Variants in SPACA6 observed in about 807,000 individuals in gnomAD.
The protein encoded by SPACA6 is sperm acrosome membrane-associated protein 6.
For synonymous variants in SPACA6, 6 were observed against 1.5 expected (o/e 4.05, Z -2.21); for missense variants, 8 against 2.8 (o/e 2.88, Z -1.34).
At chr19:51,692,565 T>A (rs1451894400), upstream of SPACA6, 1 of 505,170 alleles carries the variant, frequency 2.0e-6, no homozygotes, top group East Asian at 5.6e-5. This position sits in a 1 kb window ranked among gnomAD's most constrained non-coding sequence, Gnocchi z 5.6. Context: ...CCTGGACTCC[T>A]GGGTTCCTTG....
At chr19:51,688,313 G>A (rs2083338225), upstream of SPACA6, 1 of 152,538 alleles carries the variant, frequency 6.6e-6, no homozygotes, top group Non-Finnish European at 1.5e-5. Flanking sequence ...CTGCCTGGAA[G>A]GGCCTTAGTG....
At chr19:51,697,942 T>A (rs1009218158) in intron 2 of SPACA6, among the ~76,000 whole-genome samples, 4 of 152,158 alleles carry the variant, frequency 2.6e-5, no homozygotes, top group African/African-American at 9.7e-5. Flanking sequence ...ATCCTAAGTT[T>A]GCCAGCCTTC....
chr19:51,700,296 T>G (rs1249431653), intron 2 of SPACA6, among the ~76,000 whole-genome samples: 1 of 151,464 alleles, frequency 6.6e-6, no homozygotes, highest in East Asian at 1.9e-4. Context: ...CATAAAAGAG[T>G]AAAAGATGGG....
upstream of SPACA6, among the ~76,000 whole-genome samples, chr19:51,690,355 C>T (rs146587955): frequency 3.1e-4 from 47 of 152,216 alleles, no homozygotes; most frequent in East Asian, 8.7e-3. Flanking sequence ...AGGAGCGCGG[C>T]CCCCAACCCT....
upstream of SPACA6, among the ~76,000 whole-genome samples, chr19:51,690,207 A>G (rs1278187133): frequency 1.3e-5 from 2 of 151,136 alleles, no homozygotes; most frequent in East Asian, 3.9e-4. Context: ...CCCATTCCAG[A>G]ATCCGAGCCC....
rs756935322 is a variant in SPACA6, at chr19:51,705,159, A to G, written c.*36A>G. 4 of 401,122 alleles carry G rather than the reference A, an allele frequency of 1.0e-5. No individual in the cohort carries two copies. Among genetic ancestry groups the G allele is most frequent in the Non-Finnish European group, 1.8e-5 (4 of 226,200 alleles). The allele number at this position is 401,122 out of a possible 1,614,324, so 24.8% of individuals were successfully genotyped here. The stretch of plus-strand genomic sequence containing the variant: ...TTTCCTCCTTCCCTATCCTATTTCC[A>G]TCCTGAAAATAAAGAATATATTTCA... On this transcript the variant is annotated 3_prime_UTR_variant, in exon 9 of 9. Coordinates refer to ENST00000637797, the MANE Select transcript of SPACA6 (RefSeq NM_001316972.2).
At chr19:51,711,071 C>T (rs2083539066) in intron 2 of SPACA6, among the ~76,000 whole-genome samples, 1 of 152,040 alleles carries the variant, frequency 6.6e-6, no homozygotes, top group Non-Finnish European at 1.5e-5. Flanking sequence ...CAGAGCAAGA[C>T]CCTATCTCAA....
upstream of SPACA6, among the ~76,000 whole-genome samples, chr19:51,691,929 T>C (rs557823665): frequency 3.9e-5 from 6 of 152,210 alleles, no homozygotes; most frequent in African/African-American, 1.4e-4. Context: ...TTCCCCTCTC[T>C]GAGGCTCAGC....
At chr19:51,710,251 GCTT>G (rs1285707660), downstream of SPACA6, among the ~76,000 whole-genome samples, 4 of 152,226 alleles carry the variant, frequency 2.6e-5, no homozygotes, top group African/African-American at 9.6e-5. Context: ...TTGAAGGCAA[GCTT>G]CTTAATTGTT....
intron 4 of SPACA6, 158 bp from the exon 5 acceptor site, chr19:51,702,863 C>T (rs1397196279): frequency 5.0e-6 from 2 of 398,488 alleles, no homozygotes; most frequent in East Asian, 7.1e-5. Context: ...TCCTAGAGGG[C>T]GGAGAGGAGT....
chr19:51,691,150 C>T (rs1274581921), upstream of SPACA6, among the ~76,000 whole-genome samples: 1 of 151,852 alleles, frequency 6.6e-6, no homozygotes, highest in Non-Finnish European at 1.5e-5. Flanking sequence ...ACCCCACCCC[C>T]AGCTCCAGAC....
chr19:51,703,671 C>T lies in SPACA6; in HGVS notation c.573+334C>T, dbSNP rs1182013943. On this transcript the variant is annotated intron_variant, in intron 6 of 8. Transcript: ENST00000637797. This position sits in a 1 kb window ranked among gnomAD's most constrained non-coding sequence, Gnocchi z 4.2. ...AAAACAGCCGGGGCGTGGTGGTGCA[C>T]GCCTATAGTCCCAGCCACTGGGGAG... Among the ~76,000 whole-genome samples the T allele has an allele frequency of 2.0e-5, 3 of 152,066 alleles. No homozygotes were observed. Among genetic ancestry groups the T allele is most frequent in the Non-Finnish European group, 4.4e-5 (3 of 68,012 alleles).
chr19:51,709,145 G>C (rs2083530187), downstream of SPACA6, among the ~76,000 whole-genome samples: 1 of 151,486 alleles, frequency 6.6e-6, no homozygotes, highest in Non-Finnish European at 1.5e-5. Flanking sequence ...TTGAGCTTGA[G>C]AGGTCAAGGC....
intron 2 of SPACA6, among the ~76,000 whole-genome samples, 172 bp from the exon 3 acceptor site, chr19:51,701,486 A>G (rs2083468077): frequency 6.6e-6 from 1 of 152,050 alleles, no homozygotes; most frequent in South Asian, 2.1e-4. Flanking sequence ...AGCAGAGAAT[A>G]TGGTAATGAG....
At chr19:51,707,228 C>CTCT (rs1416401928), downstream of SPACA6, among the ~76,000 whole-genome samples, 3 of 128,348 alleles carry the variant, frequency 2.3e-5, no homozygotes, top group African/African-American at 1.1e-4. Flanking sequence ...TTCTCTCTCT[C>CTCT]CCTTTTTTTT....
intron 2 of SPACA6, among the ~76,000 whole-genome samples, chr19:51,696,334 G>C (rs2083430814): frequency 6.6e-6 from 1 of 152,182 alleles, no homozygotes; most frequent in African/African-American, 2.4e-5. Context: ...TATTGGGGTG[G>C]AGTCTGGGGA....
chr19:51,688,927 GA>G (rs1568612325), upstream of SPACA6, among the ~76,000 whole-genome samples: 24 of 88,756 alleles, frequency 2.7e-4, no homozygotes, highest in Admixed American at 7.4e-4. Context: ...GAGAACGAGA[GA>G]GAAGGGAGGG....
Position 51,704,331 on chromosome 19 carries a change from C to G in SPACA6, c.792C>G (p.Arg264=), listed in dbSNP as rs2083496977. The G allele has an allele frequency of 5.0e-6, 2 of 400,850 alleles. No individual in the cohort carries two copies. The highest frequency in any genetic ancestry group is 8.8e-5 in the Admixed American group (2 of 22,740). 24.8% of individuals were successfully genotyped at this position (400,850 alleles called of 1,614,324 possible). A position where few individuals can be genotyped will look rare whatever the true frequency, so the allele number is the denominator to read the frequency against. ...AGGCCTCGTTCCGGGAAGTGCTGCG[C>G]TGGGCGCCGCGGGATGCCGAGCTGA... ...ELQASFREVL[R]WAPRDAELIE... Residue 264 remains arginine, a synonymous_variant, in exon 8 of 9, where the codon CGC becomes CGG. Transcript: ENST00000637797.
upstream of SPACA6, chr19:51,686,400 G>A (rs73566771): frequency 0.14 from 21,562 of 152,104 alleles, 1,730 homozygotes; most frequent in African/African-American, 0.21. Context: ...AGACCCAGAC[G>A]TAGAAAATCA....
Sources: gnomAD v4.1 joint callset for allele counts (sites outside exome capture counted in the v4.1 genomes callset) on GRCh38, gnomAD v4.1.1 for gene constraint, Gnocchi (gnomAD v3.1) non-coding constraint, MANE v1.5 for transcripts, NCBI Gene and HGNC (gene_info 2026-07-23, HGNC 2026-07-21) for gene names.